The following SGCG variants were observed in gnomAD, a reference collection of about 807,000 sequenced individuals.
SGCG encodes the protein sarcoglycan gamma, also known as gamma-sarcoglycan.
Under a neutral mutation model 29.3 loss-of-function variants are expected in SGCG, and 26 were observed. The ratio of observed to expected loss-of-function variants is 0.89; its 90% CI spans 0.65 to 1.23. The LOEUF is 1.23. SGCG is among the 50% of genes most tolerant of loss of function. The pLI, the probability that SGCG is intolerant of heterozygous loss-of-function variation, is 0.00. For synonymous variants in SGCG, 145 were observed against 129.7 expected (o/e 1.12, Z -0.80); for missense variants, 353 against 356.0 (o/e 0.99, Z 0.07).
chr13:23,250,405 G>A (rs960736121), intron 3 of SGCG, among the ~76,000 whole-genome samples: 3 of 151,912 alleles, frequency 2.0e-5, no homozygotes, highest in African/African-American at 7.3e-5. Flanking sequence ...TGCGTTTGGA[G>A]CTCATTTTAT....
At chr13:23,237,779 C>A (rs1187835957) in intron 3 of SGCG, among the ~76,000 whole-genome samples, 1 of 141,466 alleles carries the variant, frequency 7.1e-6, no homozygotes, top group African/African-American at 2.7e-5. Flanking sequence ...CTTGAAATTT[C>A]ATATGATGAA....
chr13:23,261,837 G>T (rs1880449215), intron 4 of SGCG, among the ~76,000 whole-genome samples: 1 of 152,034 alleles, frequency 6.6e-6, no homozygotes, highest in African/African-American at 2.4e-5. Flanking sequence ...AGTCAGAAAG[G>T]ATTGGGGTAC....
At chr13:23,203,648 CCTCT>C (rs1361572090) in intron 1 of SGCG, 43 bp from the exon 2 acceptor site, 1 of 1,452,246 alleles carries the variant, frequency 6.9e-7, no homozygotes, top group African/African-American at 1.4e-5. Context: ...TCCCTCATTC[CCTCT>C]CTGTCTCTTT....
intron 2 of SGCG, among the ~76,000 whole-genome samples, chr13:23,227,200 G>T (rs1009344663): frequency 1.3e-5 from 2 of 151,918 alleles, no homozygotes; most frequent in African/African-American, 4.8e-5. Context: ...GATGTGGTAG[G>T]TGAGCAATCT....
intron 5 of SGCG, among the ~76,000 whole-genome samples, chr13:23,286,327 A>G (rs1566031762): frequency 6.6e-6 from 1 of 152,222 alleles, no homozygotes; most frequent in African/African-American, 2.4e-5. Flanking sequence ...GATGAGAAAT[A>G]CTGGAATTGC....
At chr13:23,243,868 CATT>C (rs1461367564) in intron 3 of SGCG, 3 of 152,102 alleles carry the variant, frequency 2.0e-5, no homozygotes, top group Non-Finnish European at 2.9e-5. Context: ...AGTGTTAACT[CATT>C]ATCATGCTAA....
At chr13:23,308,205 A>G (rs558175809) in intron 6 of SGCG, among the ~76,000 whole-genome samples, 1 of 152,236 alleles carries the variant, frequency 6.6e-6, no homozygotes, top group Non-Finnish European at 1.5e-5. Context: ...CTGCTTGGGC[A>G]CTAAGGAGGG....
intron 4 of SGCG, among the ~76,000 whole-genome samples, chr13:23,275,657 C>T (rs1015728532): frequency 1.2e-4 from 19 of 152,096 alleles, no homozygotes; most frequent in Non-Finnish European, 2.5e-4. Context: ...AGCCTGGTCT[C>T]TTATTTTATT....
intron 1 of SGCG, among the ~76,000 whole-genome samples, chr13:23,193,998 G>C (rs1877387344): frequency 6.6e-6 from 1 of 152,040 alleles, no homozygotes; most frequent in South Asian, 2.1e-4. Flanking sequence ...GTGTTTTCAA[G>C]GAGGAAATAG....
At chr13:23,241,030 T>A (rs1398595312) in intron 3 of SGCG, among the ~76,000 whole-genome samples, 1 of 151,272 alleles carries the variant, frequency 6.6e-6, no homozygotes, top group East Asian at 2.0e-4. Context: ...GTGCCTGTAG[T>A]CCCAGCTACT....
At chr13:23,236,263 C>A (rs1461819821) in intron 3 of SGCG, among the ~76,000 whole-genome samples, 1 of 152,102 alleles carries the variant, frequency 6.6e-6, no homozygotes, top group Non-Finnish European at 1.5e-5. Flanking sequence ...CTTCTTTTTT[C>A]CCCAGAGTTG....
At chr13:23,254,614 G>T (rs1212127850) in intron 4 of SGCG, among the ~76,000 whole-genome samples, 1 of 152,202 alleles carries the variant, frequency 6.6e-6, no homozygotes. Context: ...GCAGGCTACA[G>T]AGCAATCACT....
intron 4 of SGCG, chr13:23,267,984 G>A (rs1420365114): frequency 2.0e-5 from 3 of 152,434 alleles, no homozygotes; most frequent in Non-Finnish European, 4.4e-5. Context: ...TAAAAGAACA[G>A]TAGCAGAGAT....
intron 2 of SGCG, among the ~76,000 whole-genome samples, chr13:23,228,110 T>C (rs1420201370): frequency 6.6e-6 from 1 of 152,130 alleles, no homozygotes; most frequent in Non-Finnish European, 1.5e-5. Flanking sequence ...CATTATTTTA[T>C]GGTGGTAGAG....
intron 4 of SGCG, among the ~76,000 whole-genome samples, chr13:23,263,163 A>C (rs1247045968): frequency 1.2e-4 from 4 of 34,134 alleles, no homozygotes; most frequent in Non-Finnish European, 2.4e-4. Context: ...GAGCAGAAAC[A>C]AAAAAAAAAT....
chr13:23,272,739 G>A (rs562797033), intron 4 of SGCG, among the ~76,000 whole-genome samples: 1 of 152,262 alleles, frequency 6.6e-6, no homozygotes, highest in African/African-American at 2.4e-5. Context: ...GACACCATCT[G>A]TGCTTGGTTC....
the SGCG span, among the ~76,000 whole-genome samples, chr13:23,163,784 GA>G: frequency 1.3e-5 from 2 of 152,028 alleles, no homozygotes; most frequent in African/African-American, 4.8e-5. Flanking sequence ...TTTTAAACAT[GA>G]AAAATTTAAC....
At chr13:23,247,054 G>T in intron 3 of SGCG, 1 of 165,342 alleles carries the variant, frequency 6.0e-6, no homozygotes, top group Non-Finnish European at 1.4e-5. Flanking sequence ...GTTTCCAAAA[G>T]CCGTTGCCAG....
At chr13:23,227,909 C>T (rs1472412446) in intron 2 of SGCG, among the ~76,000 whole-genome samples, 1 of 152,168 alleles carries the variant, frequency 6.6e-6, no homozygotes, top group Non-Finnish European at 1.5e-5. Context: ...CTCCTGGGCT[C>T]AAGGGATCCT....
Sources: allele counts gnomAD v4.1 joint callset (sites outside exome capture counted in the v4.1 genomes callset), GRCh38; gene constraint gnomAD v4.1.1; transcripts MANE v1.5; gene names NCBI Gene and HGNC (gene_info 2026-07-23, HGNC 2026-07-21).